The following MRPS6 variants were observed in gnomAD, a reference collection of about 807,000 sequenced individuals.
MRPS6 encodes the protein small ribosomal subunit protein bS6m.
In MRPS6, 6 loss-of-function variants were observed where a neutral mutation model predicts 13.1. That is an observed-to-expected ratio of 0.46 (90% CI 0.25 to 0.91). The LOEUF (loss-of-function observed/expected upper bound fraction) is 0.91. Among genes scored for constraint, MRPS6 ranks in the 40% least tolerant of loss-of-function variants. The pLI is 0.18. For missense variants in MRPS6, 164 were observed against 155.6 expected (o/e 1.05, Z -0.29); for synonymous variants, 61 against 56.5 (o/e 1.08, Z -0.36).
intron 2 of MRPS6, among the ~76,000 whole-genome samples, chr21:34,127,511 T>C (rs1414709661): frequency 1.3e-5 from 2 of 152,256 alleles, no homozygotes; most frequent in Non-Finnish European, 2.9e-5. Flanking sequence ...TAATTCACTG[T>C]ATTTGATTAT....
intron 1 of MRPS6, among the ~76,000 whole-genome samples, chr21:34,113,274 TC>T (rs1979775006): frequency 2.0e-5 from 3 of 152,200 alleles, no homozygotes; most frequent in Admixed American, 2.0e-4. Flanking sequence ...GTGTCTGTAT[TC>T]CTGTGTTCGT....
intron 2 of MRPS6, among the ~76,000 whole-genome samples, chr21:34,139,085 G>A: frequency 6.7e-6 from 1 of 149,334 alleles, no homozygotes; most frequent in East Asian, 2.0e-4. Flanking sequence ...CTGTTGCAAG[G>A]ACAAAAAACC....
intron 2 of MRPS6, chr21:34,135,336 A>T (rs1319735480): frequency 3.7e-6 from 1 of 273,296 alleles, no homozygotes; most frequent in Non-Finnish European, 7.1e-6. Flanking sequence ...AGCAATGTAT[A>T]TGAGAGCCGG....
At position 34,101,544 on chromosome 21, in the gene MRPS6, C is replaced by T. The variant is rs181822049; in HGVS notation, c.46-23797C>T. ...TATGTGTATATGCCCACTTACCATT[C>T]AGAGAGACTGGTCTTTCTCTTTGTC... On this transcript the variant is annotated intron_variant, in intron 1 of 2. Coordinates refer to ENST00000399312, the MANE Select transcript of MRPS6 (RefSeq NM_032476.4). 1.7e-5 allele frequency: 17 copies of T among 1,000,156 alleles called. No individual in the cohort carries two copies. The East Asian group carries it at 7.9e-4, about 47-fold the overall frequency. 62.0% of individuals were successfully genotyped at this position (1,000,156 alleles called of 1,614,324 possible).
rs1989245890 is a variant in MRPS6 at position 34,073,727 on chromosome 21, C to T, written c.27C>T (p.Ile9=). The T allele has an allele frequency of 2.6e-6, 4 of 1,529,944 alleles. No homozygotes were observed. Among genetic ancestry groups the T allele is most frequent in the Non-Finnish European group, 3.5e-6 (4 of 1,133,194 alleles). The allele number at this position is 1,529,944 out of a possible 1,614,324, so 94.8% of individuals were successfully genotyped here. MPRYELAL[I]LKAMQRPETA... ...TGCCCCGCTACGAGCTGGCTTTAAT[C>T]CTGAAAGCCATGCAGCGGGTAAGTG... is the stretch of plus-strand genomic sequence containing the variant. Residue 9 remains isoleucine, a synonymous_variant, in exon 1 of 3, where the codon ATC becomes ATT. Coordinates refer to ENST00000399312, the MANE Select transcript of MRPS6 (RefSeq NM_032476.4).
At chr21:34,132,931 G>A (rs894671602) in intron 2 of MRPS6, among the ~76,000 whole-genome samples, 1 of 152,164 alleles carries the variant, frequency 6.6e-6, no homozygotes, top group African/African-American at 2.4e-5. Flanking sequence ...ACCTTTTTGA[G>A]TCTCTCTTCT....
At chr21:34,079,207 A>G (rs963501625) in intron 1 of MRPS6, among the ~76,000 whole-genome samples, 6 of 152,170 alleles carry the variant, frequency 3.9e-5, no homozygotes, top group African/African-American at 1.4e-4. Context: ...AAACAGCAAT[A>G]CTTTATGGCA....
At chr21:34,136,552 C>G (rs1349040338) in intron 2 of MRPS6, among the ~76,000 whole-genome samples, 2 of 152,158 alleles carry the variant, frequency 1.3e-5, no homozygotes, top group African/African-American at 2.4e-5. Flanking sequence ...TTGCATTTCT[C>G]TCATGACTAA....
intron 1 of MRPS6, among the ~76,000 whole-genome samples, chr21:34,121,837 C>T (rs1980131551): frequency 6.6e-6 from 1 of 152,140 alleles, no homozygotes; most frequent in Non-Finnish European, 1.5e-5. Flanking sequence ...AAATGAGGAA[C>T]ATTGAAGTTG....
chr21:34,093,408 C>T (rs1190322670), intron 1 of MRPS6, among the ~76,000 whole-genome samples: 1 of 152,134 alleles, frequency 6.6e-6, no homozygotes. Context: ...GTTTTTTCTG[C>T]ATTAGACCTA....
chr21:34,099,691 A>G (rs1009939220), intron 1 of MRPS6: 82 of 998,084 alleles, frequency 8.2e-5, no homozygotes, highest in Non-Finnish European at 9.8e-5. Context: ...TTGTCTTAGT[A>G]AGATACATAA....
intron 1 of MRPS6, among the ~76,000 whole-genome samples, chr21:34,087,242 T>A (rs1978434324): frequency 7.8e-6 from 1 of 128,620 alleles, no homozygotes; most frequent in South Asian, 2.9e-4. Context: ...AGATCACTGG[T>A]GGAGGAGGGA....
At chr21:34,086,498 G>A (rs986415745) in intron 1 of MRPS6, among the ~76,000 whole-genome samples, 3 of 143,432 alleles carry the variant, frequency 2.1e-5, no homozygotes, top group Non-Finnish European at 4.5e-5. Flanking sequence ...TCTGACTTGT[G>A]TTTATTTCTA....
chr21:34,110,868 C>T (rs896720502), intron 1 of MRPS6, among the ~76,000 whole-genome samples: 1 of 152,204 alleles, frequency 6.6e-6, no homozygotes, highest in African/African-American at 2.4e-5. Context: ...CTCATGCCTG[C>T]ATTGTGCTAG....
At chr21:34,130,977 A>G (rs1008204725) in intron 2 of MRPS6, among the ~76,000 whole-genome samples, 1 of 152,220 alleles carries the variant, frequency 6.6e-6, no homozygotes, top group Non-Finnish European at 1.5e-5. Flanking sequence ...TGGTGCTTGC[A>G]TGGACCCTGG....
intron 2 of MRPS6, among the ~76,000 whole-genome samples, chr21:34,127,243 T>G (rs2123258285): frequency 6.6e-6 from 1 of 152,342 alleles, no homozygotes; most frequent in East Asian, 1.9e-4. Context: ...AGTGCCCAGC[T>G]GCAGTGGGGG....
intron 1 of MRPS6, among the ~76,000 whole-genome samples, chr21:34,121,381 T>C (rs1258864643): frequency 1.3e-5 from 2 of 152,188 alleles, no homozygotes; most frequent in Non-Finnish European, 2.9e-5. Flanking sequence ...AAGTTTAAAA[T>C]TGATAAATTT....
At chr21:34,120,700 G>A (rs1371084194) in intron 1 of MRPS6, among the ~76,000 whole-genome samples, 1 of 152,052 alleles carries the variant, frequency 6.6e-6, no homozygotes, top group Non-Finnish European at 1.5e-5. Flanking sequence ...ATATTTATAT[G>A]TGTATTGGAA....
chr21:34,121,997 A>G (rs1314162026), intron 1 of MRPS6, among the ~76,000 whole-genome samples: 1 of 152,194 alleles, frequency 6.6e-6, no homozygotes, highest in Non-Finnish European at 1.5e-5. Flanking sequence ...TGACACATCC[A>G]GTGAGGAATA....
Sources: gnomAD v4.1 joint callset for allele counts (sites outside exome capture counted in the v4.1 genomes callset) on GRCh38, gnomAD v4.1.1 for gene constraint, MANE v1.5 for transcripts, NCBI Gene and HGNC (gene_info 2026-07-23, HGNC 2026-07-21) for gene names.